Variants in WWOX observed in about 807,000 individuals in gnomAD.
WWOX encodes WW domain containing oxidoreductase.
In WWOX, 69 loss-of-function variants were observed where a neutral mutation model predicts 46.2. The ratio of observed to expected loss-of-function variants is 1.49; its 90% confidence interval spans 1.23 to 1.82. The LOEUF (loss-of-function observed/expected upper bound fraction) is 1.82, where lower values mean the gene tolerates loss of function less well. Ranked by LOEUF, WWOX falls within the 40% of genes most tolerant of loss-of-function variation. The probability of loss-of-function intolerance (pLI) is 0.00; values close to 1 mark genes in which losing one functional copy is unlikely to be tolerated. For synonymous variants in WWOX, 359 were observed against 202.6 expected, an observed-to-expected ratio of 1.77 and a Z score of -6.56; for missense variants, 919 against 542.6, an observed-to-expected ratio of 1.69 and a Z score of -6.89.
At chr16:78,681,296 TTGGGAGGCTGAGG>T (rs1341019557) in intron 8 of WWOX, among the ~76,000 whole-genome samples, 1 of 152,094 alleles carries the variant, frequency 6.6e-6, no homozygotes, top group African/African-American at 2.4e-5. Flanking sequence ...TCCCAGCTAC[TTGGGAGGCTGAGG>T]TGGGAGGATG....
chr16:78,870,624 C>T (rs915302710), intron 8 of WWOX, among the ~76,000 whole-genome samples: 20 of 152,116 alleles, frequency 1.3e-4, no homozygotes, highest in East Asian at 3.9e-4. Context: ...TTTTTGGAGA[C>T]GGAATCTCAC....
In WWOX at chr16:78,554,537, A is replaced by T. The variant is rs1434212201; in HGVS notation, c.1056+121785A>T. On this transcript the variant is annotated intron_variant, in intron 8 of 8. Transcript: ENST00000566780. ...TGCACAGTAATAGATATAGGTAAAG[A>T]CCTTGATATATGTACATATATTGTA... 3.3e-5 allele frequency among the ~76,000 whole-genome samples: 5 copies of T among 152,126 alleles called. No individual in the cohort carries two copies. In the East Asian group the frequency reaches 7.7e-4, roughly 23 times the overall value.
rs140689223 is a variant in WWOX at position 78,187,560 on chromosome 16, G to A, written c.516+23271G>A. On this transcript the variant is annotated intron_variant, in intron 5 of 8. Transcript: ENST00000566780. ...AGAGATTGCAATGAGCCGAGATCGC[G>A]CCACTGCACTCCAGCCTGGTCCACA... 8.5e-5 allele frequency among the ~76,000 whole-genome samples: 13 copies of A among 152,264 alleles called. No homozygotes were observed. The East Asian group carries it at 1.5e-3, about 18-fold the overall frequency.
At chr16:78,683,498 C>T (rs1420492348) in intron 8 of WWOX, among the ~76,000 whole-genome samples, 2 of 151,550 alleles carry the variant, frequency 1.3e-5, no homozygotes, top group African/African-American at 4.9e-5. Flanking sequence ...CGAGGTTGTG[C>T]CACTGCACTC....
intron 8 of WWOX, among the ~76,000 whole-genome samples, chr16:78,660,048 C>T (rs943200787): frequency 2.6e-5 from 4 of 152,208 alleles, no homozygotes; most frequent in Non-Finnish European, 4.4e-5. Context: ...ACACATCATT[C>T]ACCATAGTGA....
rs145910118 is a variant in WWOX at position 78,650,434 on chromosome 16, G to C, written c.1056+217682G>C. On this transcript the variant is annotated intron_variant, in intron 8 of 8. Transcript: ENST00000566780. Reference sequence around the variant, plus strand: ...TCACCTGTGTGAAATTGGTGTCCGTGTGCCTTGCTTCCTAGGCTGTCCACC... The same window carrying C: ...TCACCTGTGTGAAATTGGTGTCCGTCTGCCTTGCTTCCTAGGCTGTCCACC... Among the ~76,000 whole-genome samples, 14 of 152,248 alleles carry C rather than the reference G, an allele frequency of 9.2e-5. 1 individual carries two copies. The highest frequency in any genetic ancestry group is 6.8e-3 in the Middle Eastern group (2 of 294).
At chr16:78,617,857 C>T (rs2046066417) in intron 8 of WWOX, among the ~76,000 whole-genome samples, 1 of 152,206 alleles carries the variant, frequency 6.6e-6, no homozygotes, top group Non-Finnish European at 1.5e-5. Flanking sequence ...TATATTTTGA[C>T]ATTTCTGTCA....
At chr16:78,946,823 T>C (rs934650592) in intron 8 of WWOX, among the ~76,000 whole-genome samples, 7 of 151,972 alleles carry the variant, frequency 4.6e-5, no homozygotes, top group African/African-American at 1.7e-4. Context: ...AGAACTGCGG[T>C]AGCAAGGACA....
At chr16:78,612,622 C>G (rs943743537) in intron 8 of WWOX, among the ~76,000 whole-genome samples, 1 of 152,128 alleles carries the variant, frequency 6.6e-6, no homozygotes, top group Non-Finnish European at 1.5e-5. Flanking sequence ...CAGTTGTGCA[C>G]TACCACACCT....
intron 8 of WWOX, among the ~76,000 whole-genome samples, chr16:78,724,854 G>T (rs925282226): frequency 2.6e-5 from 4 of 152,188 alleles, no homozygotes; most frequent in Admixed American, 2.0e-4. Context: ...TTACCTCTAA[G>T]AGTTCCTCAA....
chr16:78,816,328 T>A (rs142424491), intron 8 of WWOX, among the ~76,000 whole-genome samples: 4 of 152,132 alleles, frequency 2.6e-5, no homozygotes, highest in African/African-American at 9.7e-5. Flanking sequence ...TTTCCTGATA[T>A]ATCGAGGACT....
At chr16:78,849,111 C>T (rs1018218719) in intron 8 of WWOX, among the ~76,000 whole-genome samples, 2 of 152,116 alleles carry the variant, frequency 1.3e-5, no homozygotes, top group South Asian at 2.1e-4. Flanking sequence ...CCACGGAGGA[C>T]AGTCTATACA....
intron 8 of WWOX, among the ~76,000 whole-genome samples, chr16:78,518,045 G>C (rs1275436811): frequency 1.3e-5 from 2 of 151,778 alleles, no homozygotes; most frequent in African/African-American, 4.8e-5. Flanking sequence ...TTTGAGCTTG[G>C]TAATTAGATG....
intron 8 of WWOX, among the ~76,000 whole-genome samples, chr16:78,503,421 G>A (rs1045722839): frequency 1.3e-5 from 2 of 151,772 alleles, no homozygotes; most frequent in African/African-American, 4.8e-5. Context: ...GATCTTCAGT[G>A]TGGAATTTAA....
chr16:78,637,053 C>T (rs1045887395), intron 8 of WWOX, among the ~76,000 whole-genome samples: 1 of 152,212 alleles, frequency 6.6e-6, no homozygotes, highest in Non-Finnish European at 1.5e-5. Flanking sequence ...ATCTGCAGCA[C>T]ACCAAGGAAT....
intron 1 of WWOX, among the ~76,000 whole-genome samples, chr16:78,101,381 C>G (rs1233198295): frequency 1.3e-5 from 1 of 74,176 alleles, no homozygotes; most frequent in East Asian, 5.0e-4. Flanking sequence ...GGGTCTCGCT[C>G]CGTCGCCCAA....
At chr16:78,865,771 TCAGGAGACGGAGG>T (rs1446359355) in intron 8 of WWOX, among the ~76,000 whole-genome samples, 2 of 152,088 alleles carry the variant, frequency 1.3e-5, no homozygotes, top group Non-Finnish European at 2.9e-5. Flanking sequence ...TCCCAGCTAC[TCAGGAGACGGAGG>T]CAGGAGAATC....
intron 8 of WWOX, among the ~76,000 whole-genome samples, chr16:79,062,130 A>G (rs766914177): frequency 6.6e-6 from 1 of 152,104 alleles, no homozygotes; most frequent in Non-Finnish European, 1.5e-5. Flanking sequence ...ATGACTGGCC[A>G]CCCCAGACTG....
At chr16:79,164,301 G>A (rs1258691695) in intron 8 of WWOX, among the ~76,000 whole-genome samples, 1 of 152,182 alleles carries the variant, frequency 6.6e-6, no homozygotes, top group Admixed American at 6.5e-5. Flanking sequence ...CATGTGAAAT[G>A]TTGCTGGTTA....
Sources: gnomAD v4.1 joint callset for allele counts (sites outside exome capture counted in the v4.1 genomes callset) on GRCh38, gnomAD v4.1.1 for gene constraint, MANE v1.5 for transcripts, NCBI Gene and HGNC (gene_info 2026-07-23, HGNC 2026-07-21) for gene names.